The following GALNT7 variants were observed in gnomAD, a reference collection of about 807,000 sequenced individuals.
The protein encoded by GALNT7 is N-acetylgalactosaminyltransferase 7.
Under a neutral mutation model 82.1 loss-of-function variants are expected in GALNT7, and 60 were observed. The observed-to-expected ratio is 0.73, with a 90% CI of 0.59 to 0.91. The LOEUF is 0.91. Ranked by LOEUF, GALNT7 falls within the 40% of genes least tolerant of loss-of-function variation. GALNT7 has a pLI of 0.00. For missense variants in GALNT7, 660 were observed against 804.2 expected (o/e 0.82, Z 2.17); for synonymous variants, 243 against 275.1 (o/e 0.88, Z 1.15).
At chr4:173,303,814 T>G (rs1031812679) in intron 7 of GALNT7, among the ~76,000 whole-genome samples, 182 bp from the exon 8 acceptor site, 1 of 152,252 alleles carries the variant, frequency 6.6e-6, no homozygotes, top group Non-Finnish European at 1.5e-5. Flanking sequence ...TATTCCCTGT[T>G]GCCTTCTTGG....
chr4:173,185,798 G>C (rs1732445001), intron 1 of GALNT7, among the ~76,000 whole-genome samples: 2 of 152,172 alleles, frequency 1.3e-5, no homozygotes. Context: ...AGTCAAGAAA[G>C]AGATAAATAA....
chr4:173,306,645 G>A (rs1737165521), intron 8 of GALNT7, among the ~76,000 whole-genome samples: 1 of 152,150 alleles, frequency 6.6e-6, no homozygotes, highest in African/African-American at 2.4e-5. Flanking sequence ...TTAATGTGGA[G>A]TATCACATTT....
chr4:173,189,359 G>A (rs527388965), intron 1 of GALNT7, among the ~76,000 whole-genome samples: 18 of 152,256 alleles, frequency 1.2e-4, no homozygotes, highest in African/African-American at 3.1e-4. Flanking sequence ...AAACCCCAAC[G>A]TTAAGTGGTT....
intron 1 of GALNT7, among the ~76,000 whole-genome samples, chr4:173,204,946 G>T (rs1359610280): frequency 6.6e-6 from 1 of 152,126 alleles, no homozygotes; most frequent in Non-Finnish European, 1.5e-5. Flanking sequence ...TTGCATACTG[G>T]GATTTTCTGG....
intron 1 of GALNT7, among the ~76,000 whole-genome samples, chr4:173,222,643 G>C (rs1579925647): frequency 6.6e-6 from 1 of 152,142 alleles, no homozygotes; most frequent in South Asian, 2.1e-4. Flanking sequence ...TCCTACACAT[G>C]ATCTCATTTG....
chr4:173,234,937 C>G (rs1467599953), intron 1 of GALNT7, among the ~76,000 whole-genome samples: 1 of 152,194 alleles, frequency 6.6e-6, no homozygotes, highest in Non-Finnish European at 1.5e-5. Flanking sequence ...GAGGCCCTAT[C>G]AGAAGGAGAT....
At chr4:173,176,621 G>A (rs1197733458) in intron 1 of GALNT7, among the ~76,000 whole-genome samples, 1 of 152,214 alleles carries the variant, frequency 6.6e-6, no homozygotes, top group Non-Finnish European at 1.5e-5. Context: ...ACTGAGTCCT[G>A]TGGGAGCACA....
chr4:173,293,766 T>A (rs1237685527), intron 3 of GALNT7, among the ~76,000 whole-genome samples: 2 of 152,166 alleles, frequency 1.3e-5, no homozygotes, highest in Non-Finnish European at 2.9e-5. Context: ...AACTACACGG[T>A]CCTTGTGGGT....
At chr4:173,278,032 A>C (rs1443240515) in intron 2 of GALNT7, among the ~76,000 whole-genome samples, 2 of 152,234 alleles carry the variant, frequency 1.3e-5, no homozygotes, top group East Asian at 3.8e-4. Flanking sequence ...GTGGGAAAAT[A>C]CTACCTTATA....
chr4:173,246,279 T>G (rs1211899656), intron 1 of GALNT7, among the ~76,000 whole-genome samples: 1 of 152,224 alleles, frequency 6.6e-6, no homozygotes, highest in Non-Finnish European at 1.5e-5. Flanking sequence ...CTTTGCAATA[T>G]TCTTGATGTT....
intron 1 of GALNT7, among the ~76,000 whole-genome samples, chr4:173,204,419 T>G (rs910200896): frequency 6.6e-6 from 1 of 152,246 alleles, no homozygotes; most frequent in African/African-American, 2.4e-5. Context: ...TTAAATAAGC[T>G]TACTGAGCCT....
chr4:173,255,385 T>G (rs576340611), intron 2 of GALNT7, among the ~76,000 whole-genome samples: 2 of 152,132 alleles, frequency 1.3e-5, no homozygotes, highest in Non-Finnish European at 2.9e-5. Flanking sequence ...TTCCCCTCTC[T>G]TCATCCCTCT....
chr4:173,203,888 G>A (rs1733016091), intron 1 of GALNT7, among the ~76,000 whole-genome samples: 1 of 152,184 alleles, frequency 6.6e-6, no homozygotes. Context: ...CACTATCACA[G>A]TATTATTCTG....
chr4:173,228,692 C>T (rs1448172813), intron 1 of GALNT7, among the ~76,000 whole-genome samples: 1 of 152,072 alleles, frequency 6.6e-6, no homozygotes, highest in Middle Eastern at 3.2e-3. Context: ...ACAAAAAAAA[C>T]TCTACCAACA....
intron 1 of GALNT7, among the ~76,000 whole-genome samples, chr4:173,237,394 A>AGTGCTAT (rs2126719976): frequency 6.6e-6 from 1 of 152,350 alleles, no homozygotes; most frequent in South Asian, 2.1e-4. Context: ...TTCATGTGGC[A>AGTGCTAT]GTGCTATATT....
chr4:173,209,617 T>C (rs768392700), intron 1 of GALNT7, among the ~76,000 whole-genome samples: 10 of 152,170 alleles, frequency 6.6e-5, no homozygotes, highest in Non-Finnish European at 1.3e-4. Context: ...TACCTCCCAG[T>C]CACCCAATCT....
chr4:173,227,170 T>C (rs1299024275), intron 1 of GALNT7, among the ~76,000 whole-genome samples: 2 of 152,168 alleles, frequency 1.3e-5, no homozygotes, highest in African/African-American at 4.8e-5. Flanking sequence ...AGAAAAACTG[T>C]TAATTTAACC....
chr4:173,295,319 C>G, intron 3 of GALNT7, 77 bp from the exon 4 acceptor site: 1 of 1,045,702 alleles, frequency 9.6e-7, no homozygotes, highest in Non-Finnish European at 1.5e-6. Context: ...CACCTGTATT[C>G]TTGTTTCCTG....
At chr4:173,283,614 C>T (rs1029862726) in intron 2 of GALNT7, among the ~76,000 whole-genome samples, 5 of 142,748 alleles carry the variant, frequency 3.5e-5, no homozygotes, top group African/African-American at 1.1e-4. Flanking sequence ...TCGGCCTGGG[C>T]GACAGAGCGA....
Sources: gnomAD v4.1 joint callset for allele counts (sites outside exome capture counted in the v4.1 genomes callset) on GRCh38, gnomAD v4.1.1 for gene constraint, MANE v1.5 for transcripts, NCBI Gene and HGNC (gene_info 2026-07-23, HGNC 2026-07-21) for gene names.